PCNX2: variants seen among roughly 807,000 people sequenced by gnomAD.
PCNX2 encodes pecanex-like protein 2.
Under a neutral mutation model 223.8 loss-of-function variants are expected in PCNX2, and 168 were observed. The ratio of observed to expected loss-of-function variants is 0.75; its 90% CI spans 0.66 to 0.85. The LOEUF (loss-of-function observed/expected upper bound fraction) is 0.85. PCNX2 is among the 40% of genes least tolerant of loss of function. The pLI is 0.00. For synonymous variants in PCNX2, 1,006 were observed against 1,052.6 expected (o/e 0.96, Z 0.86); for missense variants, 2,507 against 2,675.5 (o/e 0.94, Z 1.39).
chr1:233,197,381 T>C (rs1443662171), intron 15 of PCNX2, among the ~76,000 whole-genome samples: 1 of 152,044 alleles, frequency 6.6e-6, no homozygotes, highest in Non-Finnish European at 1.5e-5. Flanking sequence ...CAAAAGACAG[T>C]GGAAAGATGT....
In PCNX2 at chr1:233,239,155, G is replaced by A. The variant is rs1259093752; in HGVS notation, c.2223-2175C>T. 2.0e-5 allele frequency among the ~76,000 whole-genome samples: 3 copies of A among 152,158 alleles called. No homozygotes were observed. In the East Asian group the frequency reaches 5.8e-4, roughly 29 times the overall value. ...AACAAAAGATTAAGCTAACTACATT[G>A]TAGGTAAGGTAGGTAATGATCATAA... On this transcript the variant is annotated intron_variant, in intron 8 of 33. Transcript: ENST00000258229.
At chr1:233,014,877 C>T (rs975454479) in intron 27 of PCNX2, 100 bp from the exon 28 acceptor site, 13 of 861,712 alleles carry the variant, frequency 1.5e-5, no homozygotes, top group African/African-American at 8.3e-5. Context: ...AAGTCAGCCA[C>T]GTGGTCATCC....
intron 26 of PCNX2, among the ~76,000 whole-genome samples, chr1:233,023,852 G>C (rs1670989464): frequency 6.6e-6 from 1 of 152,202 alleles, no homozygotes; most frequent in Admixed American, 6.5e-5. Flanking sequence ...AATCACCTAG[G>C]GGATGAGATC....
chr1:233,249,477 G>A (rs763423265), intron 8 of PCNX2, among the ~76,000 whole-genome samples: 24 of 152,202 alleles, frequency 1.6e-4, no homozygotes, highest in Admixed American at 6.5e-4. Flanking sequence ...TGTCCTGGAG[G>A]TTAGAGTAAA....
At chr1:233,131,512 G>A (rs1676504956) in intron 21 of PCNX2, among the ~76,000 whole-genome samples, 1 of 152,116 alleles carries the variant, frequency 6.6e-6, no homozygotes, top group Non-Finnish European at 1.5e-5. Flanking sequence ...AATATCCACT[G>A]GCTTTTTTCC....
chr1:233,321,234 G>T, the PCNX2 span, among the ~76,000 whole-genome samples: 1 of 151,750 alleles, frequency 6.6e-6, no homozygotes, highest in African/African-American at 2.4e-5. Context: ...AAGTAAAAAT[G>T]GTGTTCCATT....
chr1:233,179,278 G>A lies in PCNX2; in HGVS notation c.3067-103C>T, dbSNP rs115831300. ...ATCCCCAAGGTCCAGCTGGATGGAT[G>A]AGTTATTCCCATGATTATTCCTGCC... On this transcript the variant is annotated intron_variant, in intron 15 of 33. Transcript: ENST00000258229. The A allele has an allele frequency of 1.1e-3, 1,325 of 1,192,450 alleles. 10 individuals carry two copies. The African/African-American group carries it at 0.015, about 13-fold the overall frequency. 73.9% of individuals were successfully genotyped at this position (1,192,450 alleles called of 1,614,324 possible). A position where few individuals can be genotyped will look rare whatever the true frequency, so the allele number is the denominator to read the frequency against.
Position 233,090,164 on chromosome 1 carries a change from T to C in PCNX2, c.3973A>G (p.Ile1325Val). 1 of 1,613,618 alleles carries C rather than the reference T, an allele frequency of 6.2e-7. No individual in the cohort carries two copies. The highest frequency in any genetic ancestry group is 1.1e-5 in the South Asian group (1 of 90,990). The change falls in exon 23 of 34, where the codon ATT becomes GTT. Residue 1325 changes from isoleucine (I) to valine (V), a missense_variant. Ile to Val is a conservative substitution (Grantham distance 29, BLOSUM62 3). This residue lies in a region of PCNX2 where 1,372 missense variants were observed against 1,509.4 expected (regional missense o/e 0.91). Coordinates refer to ENST00000258229, the MANE Select transcript of PCNX2 (RefSeq NM_014801.4). ...PHSAMLFFQT[I>V]ATSIFSTPLS... ...GGGGTAGAAAAGATTGATGTGGCAA[T>C]CGTCTGAAAGAAAAGCATGGCAGAA...
chr1:233,089,810 T>A, intron 23 of PCNX2: 1 of 1,177,868 alleles, frequency 8.5e-7, no homozygotes, highest in Non-Finnish European at 1.1e-6. Flanking sequence ...ATAACTCACT[T>A]TTCCTTCACA....
chr1:233,154,123 G>A (rs989287189), intron 19 of PCNX2, among the ~76,000 whole-genome samples: 41 of 152,224 alleles, frequency 2.7e-4, no homozygotes, highest in African/African-American at 9.9e-4. Flanking sequence ...CTGTCACCCA[G>A]GCTGGAGTAC....
At chr1:233,183,375 T>C (rs1003544360) in intron 15 of PCNX2, among the ~76,000 whole-genome samples, 2 of 152,174 alleles carry the variant, frequency 1.3e-5, no homozygotes, top group African/African-American at 4.8e-5. Context: ...GTTAGCACCC[T>C]GACATATCCT....
In PCNX2 at chr1:233,152,817, A is replaced by G. The variant is rs552418482; in HGVS notation, c.3517+7466T>C. 9.2e-5 allele frequency among the ~76,000 whole-genome samples: 14 copies of G among 152,368 alleles called. No homozygotes were observed. The South Asian group carries it at 2.9e-3, about 32-fold the overall frequency. On this transcript the variant is annotated intron_variant, in intron 19 of 33. Transcript: ENST00000258229. ...TCAGAACCCTGGGAAGAGGAGGAGGATGCACTTAGGGAGCGCTTTCTGTCT... is the reference window on the plus strand; with the variant it reads ...TCAGAACCCTGGGAAGAGGAGGAGGGTGCACTTAGGGAGCGCTTTCTGTCT...
At chr1:233,018,308 C>A (rs1670757211) in intron 26 of PCNX2, among the ~76,000 whole-genome samples, 1 of 151,976 alleles carries the variant, frequency 6.6e-6, no homozygotes, top group African/African-American at 2.4e-5. Flanking sequence ...CAGGGGTGAT[C>A]CACTGTGCCC....
intron 25 of PCNX2, among the ~76,000 whole-genome samples, chr1:233,043,221 C>T (rs551654064): frequency 6.6e-6 from 1 of 152,280 alleles, no homozygotes; most frequent in East Asian, 1.9e-4. Context: ...GGTCACTTGA[C>T]TGACTAAAGA....
chr1:233,200,646 T>C (rs1681029650), intron 13 of PCNX2, among the ~76,000 whole-genome samples: 1 of 151,794 alleles, frequency 6.6e-6, no homozygotes, highest in African/African-American at 2.4e-5. Flanking sequence ...TAGAATCATC[T>C]TCAGTTTGAA....
chr1:232,984,441 C>T lies in PCNX2; in HGVS notation c.6277G>A (p.Glu2093Lys), dbSNP rs746934469. 42 of 1,613,642 alleles carry T rather than the reference C, an allele frequency of 2.6e-5. No individual in the cohort carries two copies. The highest frequency in any genetic ancestry group is 3.3e-5 in the South Asian group (3 of 91,042). The change falls in exon 34 of 34, where the codon GAG (glutamate) becomes AAG (lysine). Residue 2093 changes from glutamate (E) to lysine (K), a missense_variant. Glu to Lys is a moderately conservative substitution (Grantham distance 56, BLOSUM62 1). Coordinates refer to ENST00000258229, the MANE Select transcript of PCNX2 (RefSeq NM_014801.4). ...CATCGGTCATGAAGCTGCCCCTGCT[C>T]GGTGGCATCAGGGGGCTCACATGGC... ...SEPCEPPDAT[E>K]QGQLHDRCLA... is the part of the protein sequence containing the mutation.
At chr1:233,158,455 T>C (rs1047989630) in intron 19 of PCNX2, among the ~76,000 whole-genome samples, 1 of 152,130 alleles carries the variant, frequency 6.6e-6, no homozygotes, top group African/African-American at 2.4e-5. Flanking sequence ...GGGAAAGTTA[T>C]AGATACAAAT....
the PCNX2 span, among the ~76,000 whole-genome samples, chr1:233,303,678 C>T: frequency 2.6e-5 from 4 of 152,014 alleles, no homozygotes; most frequent in Admixed American, 6.6e-5. Flanking sequence ...TTTTAGGGTA[C>T]GTGTGCACAA....
chr1:233,186,531 C>T (rs531566139), intron 15 of PCNX2, among the ~76,000 whole-genome samples: 2 of 152,144 alleles, frequency 1.3e-5, no homozygotes, highest in African/African-American at 2.4e-5. Flanking sequence ...CCCTAGAGTG[C>T]ACCCCTGTAG....
Sources: allele counts gnomAD v4.1 joint callset (sites outside exome capture counted in the v4.1 genomes callset), GRCh38; gene constraint gnomAD v4.1.1; regional missense constraint gnomAD v4.1.1; transcripts MANE v1.5; gene names NCBI Gene and HGNC (gene_info 2026-07-23, HGNC 2026-07-21).